The following SUMF1 variants were observed in gnomAD, a reference collection of about 807,000 sequenced individuals.
SUMF1 encodes formylglycine-generating enzyme.
SUMF1 carries 48 observed loss-of-function variants against 47.6 expected under a neutral mutation model. The observed-to-expected ratio is 1.01, with a 90% CI of 0.80 to 1.28. The LOEUF (loss-of-function observed/expected upper bound fraction) is 1.28. Among genes scored for constraint, SUMF1 ranks in the 50% most tolerant of loss-of-function variants. The pLI is 0.00. For missense variants in SUMF1, 571 were observed against 485.4 expected (o/e 1.18, Z -1.66); for synonymous variants, 230 against 192.1 (o/e 1.20, Z -1.63).
At chr3:4,255,116 A>G (rs1230122028) in intron 8 of SUMF1, among the ~76,000 whole-genome samples, 4 of 150,872 alleles carry the variant, frequency 2.7e-5, no homozygotes, top group Admixed American at 6.6e-5. Flanking sequence ...TGAAGGAAGC[A>G]CTAAACATGG....
At chr3:4,393,885 T>A (rs1168499796) in intron 7 of SUMF1, among the ~76,000 whole-genome samples, 1 of 152,064 alleles carries the variant, frequency 6.6e-6, no homozygotes. Flanking sequence ...TCTGTATTAG[T>A]GAATCACTTG....
At chr3:4,098,666 T>A (rs1692961163) in intron 8 of SUMF1, among the ~76,000 whole-genome samples, 1 of 152,166 alleles carries the variant, frequency 6.6e-6, no homozygotes, top group Non-Finnish European at 1.5e-5. Context: ...AGAAACTGCA[T>A]AATCATGCTA....
At chr3:4,366,123 G>A (rs1027166152) in intron 8 of SUMF1, among the ~76,000 whole-genome samples, 14 of 151,986 alleles carry the variant, frequency 9.2e-5, no homozygotes, top group Middle Eastern at 3.4e-3. Context: ...TGGGTAACCC[G>A]ACCTTTCTCT....
chr3:4,082,801 C>T (rs73806868), intron 8 of SUMF1, among the ~76,000 whole-genome samples: 1,912 of 152,038 alleles, frequency 0.013, 36 homozygotes, highest in African/African-American at 0.043. Flanking sequence ...GGTATGATTT[C>T]ACTAGGAAAA....
intron 8 of SUMF1, among the ~76,000 whole-genome samples, chr3:4,131,424 G>A (rs1378544921): frequency 6.6e-6 from 1 of 152,140 alleles, no homozygotes; most frequent in Non-Finnish European, 1.5e-5. Context: ...AAATGGGTCT[G>A]CACAATATGC....
chr3:4,054,049 C>A (rs973919363), intron 9 of SUMF1, among the ~76,000 whole-genome samples: 1 of 152,060 alleles, frequency 6.6e-6, no homozygotes, highest in Admixed American at 6.6e-5. Flanking sequence ...TCAATAGTAA[C>A]ATACTCAAAA....
intron 7 of SUMF1, among the ~76,000 whole-genome samples, chr3:4,390,745 G>T (rs1481420241): frequency 6.6e-6 from 1 of 152,074 alleles, no homozygotes; most frequent in Non-Finnish European, 1.5e-5. Flanking sequence ...ATGATACCTG[G>T]CTAATTTTTG....
intron 8 of SUMF1, among the ~76,000 whole-genome samples, chr3:4,333,833 T>C (rs1699095237): frequency 6.6e-6 from 1 of 152,094 alleles, no homozygotes; most frequent in Non-Finnish European, 1.5e-5. Flanking sequence ...TTTTTTTTTT[T>C]TAAGTTTTAG....
intron 9 of SUMF1, among the ~76,000 whole-genome samples, chr3:4,049,934 T>C (rs1695075242): frequency 6.6e-6 from 1 of 152,038 alleles, no homozygotes; most frequent in South Asian, 2.1e-4. Context: ...GAAGATGTTC[T>C]TCCCCTGGAG....
chr3:4,287,391 T>G (rs961172980), intron 8 of SUMF1, among the ~76,000 whole-genome samples: 1 of 141,020 alleles, frequency 7.1e-6, no homozygotes, highest in East Asian at 1.9e-4. Context: ...TTTAGAAGAA[T>G]AATGAACATA....
chr3:4,466,796 T>TA (rs1174213087), intron 1 of SUMF1, among the ~76,000 whole-genome samples, 180 bp downstream of exon 1: 1 of 152,104 alleles, frequency 6.6e-6, no homozygotes, highest in Non-Finnish European at 1.5e-5. Context: ...AATGGTCAAT[T>TA]AAATGGAGTC....
At chr3:4,280,514 A>C (rs190007765) in intron 8 of SUMF1, among the ~76,000 whole-genome samples, 1 of 152,074 alleles carries the variant, frequency 6.6e-6, no homozygotes, top group Non-Finnish European at 1.5e-5. Flanking sequence ...ACACAGAGGC[A>C]GGAACCCCTT....
intron 3 of SUMF1, among the ~76,000 whole-genome samples, chr3:4,446,473 A>G (rs1309639442): frequency 1.3e-5 from 2 of 152,154 alleles, no homozygotes; most frequent in Non-Finnish European, 2.9e-5. Flanking sequence ...AAATTACCCA[A>G]TCTTGGGCAT....
intron 8 of SUMF1, among the ~76,000 whole-genome samples, chr3:4,208,469 CAAAA>C (rs775554036): frequency 7.5e-6 from 1 of 132,734 alleles, no homozygotes; most frequent in Non-Finnish European, 1.6e-5. Flanking sequence ...TTCTAGAAGG[CAAAA>C]AAAAAAAAAA....
chr3:4,218,701 G>A (rs1246097049), intron 8 of SUMF1, among the ~76,000 whole-genome samples: 1 of 152,092 alleles, frequency 6.6e-6, no homozygotes. Flanking sequence ...CAAACCAGAA[G>A]CCTATTGTTC....
At chr3:4,350,053 C>T (rs930228242) in intron 8 of SUMF1, among the ~76,000 whole-genome samples, 8 of 148,672 alleles carry the variant, frequency 5.4e-5, no homozygotes, top group African/African-American at 1.0e-4. Flanking sequence ...CAGGCTGGAG[C>T]GCAGTGGCAC....
At chr3:4,393,835 T>C (rs1700955289) in intron 7 of SUMF1, among the ~76,000 whole-genome samples, 1 of 152,064 alleles carries the variant, frequency 6.6e-6, no homozygotes, top group South Asian at 2.1e-4. Flanking sequence ...GTTGGGTGTG[T>C]GTTTTTTCTT....
intron 8 of SUMF1, among the ~76,000 whole-genome samples, chr3:4,184,364 G>A (rs1054996420): frequency 4.6e-5 from 7 of 151,908 alleles, no homozygotes; most frequent in Non-Finnish European, 8.8e-5. Flanking sequence ...GCTGAGGTAT[G>A]AGAATCGCTT....
At chr3:4,378,721 A>G (rs1466502323) in intron 7 of SUMF1, among the ~76,000 whole-genome samples, 1 of 152,148 alleles carries the variant, frequency 6.6e-6, no homozygotes, top group Non-Finnish European at 1.5e-5. Flanking sequence ...TCTCCCATGT[A>G]ATGGCCACAC....
Sources: allele counts gnomAD v4.1 joint callset (sites outside exome capture counted in the v4.1 genomes callset), GRCh38; gene constraint gnomAD v4.1.1; transcripts MANE v1.5; gene names NCBI Gene and HGNC (gene_info 2026-07-23, HGNC 2026-07-21).